Variants in CFAP126 observed in about 807,000 individuals in gnomAD.
CFAP126 encodes cilia and flagella associated protein 126, also known as protein Flattop.
Under a neutral mutation model 17.1 loss-of-function variants are expected in CFAP126, and 21 were observed. The ratio of observed to expected loss-of-function variants is 1.23; its 90% CI spans 0.87 to 1.77. The LOEUF (loss-of-function observed/expected upper bound fraction) is 1.77. Ranked by LOEUF, CFAP126 falls within the 40% of genes most tolerant of loss-of-function variation. The probability of loss-of-function intolerance (pLI) is 0.00; values close to 1 mark genes in which losing one functional copy is unlikely to be tolerated. For synonymous variants in CFAP126, 65 were observed against 73.5 expected, an observed-to-expected ratio of 0.88 and a Z score of 0.59; for missense variants, 174 against 215.4, an observed-to-expected ratio of 0.81 and a Z score of 1.20.
chr1:161,367,261 T>C (rs942322754), intron 1 of CFAP126: 1 of 152,346 alleles, frequency 6.6e-6, no homozygotes, highest in African/African-American at 2.4e-5. Flanking sequence ...GCACTCTTTT[T>C]GTTGGGCAGC....
chr1:161,365,592 T>C lies in CFAP126; in HGVS notation c.282A>G (p.Lys94=). The C allele has an allele frequency of 6.2e-7, 1 of 1,614,066 alleles. No homozygotes were observed. Among genetic ancestry groups the C allele is most frequent in the Non-Finnish European group, 8.5e-7 (1 of 1,179,986 alleles). The stretch of plus-strand genomic sequence containing the variant: ...GTAAATCAGGATTTTTCTGTATCCA[T>C]TTGGTGAGGGAGGCAGCACCAGCAG... ...RTTAGAASLT[K]WIQKNPDLLK... Residue 94 remains lysine (K), a synonymous_variant, in exon 4 of 5, where the codon AAA becomes AAG. Coordinates refer to ENST00000367974, the MANE Select transcript of CFAP126 (RefSeq NM_001013625.4).
At position 161,364,918 on chromosome 1, in the gene CFAP126, T is replaced by G. The variant is rs374621696; in HGVS notation, c.*47A>C. 1.3e-6 allele frequency: 2 copies of G among 1,563,044 alleles called. No individual in the cohort carries two copies. The highest frequency in any genetic ancestry group is 1.8e-6 in the Non-Finnish European group (2 of 1,137,518). ...TTGTATTTCTGGACCTCAGCTAGAT[T>G]AGGCCCTGCCCAGAGTTCTAGCATA... On this transcript the variant is annotated 3_prime_UTR_variant, in exon 5 of 5. Transcript: ENST00000367974.
intron 1 of CFAP126, 96 bp downstream of exon 1, chr1:161,367,746 C>G: frequency 8.6e-7 from 1 of 1,163,440 alleles, no homozygotes; most frequent in Non-Finnish European, 1.3e-6. Flanking sequence ...TCTCAGCTAT[C>G]TGTTCAAAGA....
intron 1 of CFAP126, chr1:161,366,769 T>C: frequency 2.1e-6 from 1 of 483,378 alleles, no homozygotes; most frequent in East Asian, 3.5e-5. Context: ...AATTTTTAAG[T>C]TTTTTTCTTT....
rs16832866 is a variant in CFAP126, at chr1:161,364,858, G to A, written c.*107C>T. On this transcript the variant is annotated 3_prime_UTR_variant, in exon 5 of 5. Transcript: ENST00000367974. Reference sequence around the variant, plus strand: ...ACTGAGTCGCTATACGGGTTTTTCAGTGTGTGGCCACTTGGTCCATATGAA... The same window carrying A: ...ACTGAGTCGCTATACGGGTTTTTCAATGTGTGGCCACTTGGTCCATATGAA... The A allele has an allele frequency of 0.04, 42,660 of 1,077,094 alleles. 2,073 individuals carry two copies. Among genetic ancestry groups the A allele is most frequent in the East Asian group, 0.22 (9,054 of 42,020 alleles). The allele number at this position is 1,077,094 out of a possible 1,614,324, so 66.7% of individuals were successfully genotyped here. A position where few individuals can be genotyped will look rare whatever the true frequency, so the allele number is the denominator to read the frequency against.
chr1:161,365,065 G>A lies in CFAP126; in HGVS notation c.434C>T (p.Pro145Leu), dbSNP rs1417799432. The change falls in exon 5 of 5, where the codon CCA (proline) becomes CTA (leucine). Residue 145 changes from proline to leucine, a missense_variant. Coordinates refer to ENST00000367974, the MANE Select transcript of CFAP126 (RefSeq NM_001013625.4). ...ATTGAGGTTGGCAGCTGGGGAGCTT[G>A]GAATTATGGTTGGACTTCGTGCTTG... ...VQQARSPTII[P>L]SSPAANLNSP... 4.3e-6 allele frequency: 7 copies of A among 1,614,004 alleles called. No individual in the cohort carries two copies. The South Asian group carries it at 7.7e-5, about 18-fold the overall frequency.
Position 161,366,194 on chromosome 1 carries a change from T to C in CFAP126, c.171+4A>G. Reference sequence around the variant, plus strand: ...TCTTGATAGGAGTGAAGATAGTATCTCACCTTGGAACGGGGCACAGAAGGC... The same window carrying C: ...TCTTGATAGGAGTGAAGATAGTATCCCACCTTGGAACGGGGCACAGAAGGC... On this transcript the variant is annotated splice_donor_region_variant and intron_variant, in intron 3 of 4. Coordinates refer to ENST00000367974, the MANE Select transcript of CFAP126 (RefSeq NM_001013625.4). 6.2e-7 allele frequency: 1 copy of C among 1,601,080 alleles called. No individual in the cohort carries two copies.
Position 161,365,297 on chromosome 1 carries a change from C to G in CFAP126, c.349-147G>C, listed in dbSNP as rs934334888. ...ATAAGAAAAGTTAAATTTGATTTCT[C>G]TAACCACCCTCCCCCACCTTGAGAT... On this transcript the variant is annotated intron_variant, in intron 4 of 4. Transcript: ENST00000367974. 7.3e-6 allele frequency: 7 copies of G among 956,088 alleles called. No individual in the cohort carries two copies. In the African/African-American group the frequency reaches 8.3e-5, roughly 11 times the overall value. 59.2% of individuals were successfully genotyped at this position (956,088 alleles called of 1,614,324 possible). A position where few individuals can be genotyped will look rare whatever the true frequency, so the allele number is the denominator to read the frequency against.
rs146363043 is a variant in CFAP126 at position 161,367,841 on chromosome 1, C to A, written c.27+1G>T. 2.8e-4 allele frequency: 454 copies of A among 1,613,860 alleles called. No individual in the cohort carries two copies. The highest frequency in any genetic ancestry group is 6.6e-4 in the Middle Eastern group (4 of 6,062). ...TAAAGAAATGGAGAATGGGAACTTACCTGGTTGGCACTGTAGTTAGTGGCC... is the reference window on the plus strand; with the variant it reads ...TAAAGAAATGGAGAATGGGAACTTAACTGGTTGGCACTGTAGTTAGTGGCC... On this transcript the variant is annotated splice_donor_variant, in intron 1 of 4. Coordinates refer to ENST00000367974, the MANE Select transcript of CFAP126 (RefSeq NM_001013625.4). LOFTEE classifies it high-confidence loss of function.
intron 2 of CFAP126, 75 bp from the exon 3 acceptor site, chr1:161,366,353 G>A (rs1259733819): frequency 6.4e-7 from 1 of 1,566,202 alleles, no homozygotes; most frequent in Non-Finnish European, 8.8e-7. Context: ...GTCAGAGAAG[G>A]ATATGGGAGT....
chr1:161,366,597 G>A, intron 1 of CFAP126, 96 bp from the exon 2 acceptor site: 1 of 1,121,718 alleles, frequency 8.9e-7, no homozygotes, highest in African/African-American at 1.5e-5. Context: ...AAGACCAAAG[G>A]CCTGACCAAC....
At position 161,365,717 on chromosome 1, in the gene CFAP126, G is replaced by T. The variant is rs1558188956; in HGVS notation, c.172-15C>A. ...CAAGGATTTGCCTAAAAATGAAAAGGGATTCCTCAGTAGGGCTTCTCACTC... is the reference window on the plus strand; with the variant it reads ...CAAGGATTTGCCTAAAAATGAAAAGTGATTCCTCAGTAGGGCTTCTCACTC... On this transcript the variant is annotated splice_polypyrimidine_tract_variant and intron_variant, in intron 3 of 4. Coordinates refer to ENST00000367974, the MANE Select transcript of CFAP126 (RefSeq NM_001013625.4). The T allele has an allele frequency of 6.4e-7, 1 of 1,563,744 alleles. No homozygotes were observed. The highest frequency in any genetic ancestry group is 2.2e-5 in the East Asian group (1 of 44,490).
At chr1:161,366,646 G>A in intron 1 of CFAP126, 145 bp from the exon 2 acceptor site, 1 of 756,746 alleles carries the variant, frequency 1.3e-6, no homozygotes, top group African/African-American at 1.7e-5. Flanking sequence ...GGTGTAATTT[G>A]TTTGGTCTAG....
chr1:161,367,050 C>T lies in CFAP126; in HGVS notation c.28-549G>A, dbSNP rs180802941. 656 of 153,504 alleles carry T rather than the reference C, an allele frequency of 4.3e-3. 4 individuals are homozygous for T. Among genetic ancestry groups the T allele is most frequent in the Non-Finnish European group, 5.5e-3 (378 of 68,886 alleles). The allele number at this position is 153,504 out of a possible 1,614,324, so 9.5% of individuals were successfully genotyped here. A position where few individuals can be genotyped will look rare whatever the true frequency, so the allele number is the denominator to read the frequency against. ...TCAGCCTCCCAAAGTGTTGGGATTA[C>T]AGACGTGAGCTACAACACCCAGCAG... On this transcript the variant is annotated intron_variant, in intron 1 of 4. Transcript: ENST00000367974.
intron 3 of CFAP126, 83 bp from the exon 4 acceptor site, chr1:161,365,785 C>T (rs1672709669): frequency 6.6e-6 from 8 of 1,214,986 alleles, no homozygotes; most frequent in African/African-American, 3.0e-5. Flanking sequence ...CTTTCTTTAC[C>T]TTTAGGAATG....
chr1:161,365,412 A>G (rs1672693575), intron 4 of CFAP126, 114 bp downstream of exon 4: 4 of 1,288,828 alleles, frequency 3.1e-6, no homozygotes, highest in Admixed American at 1.9e-5. Context: ...AGATAAGACA[A>G]ATTGGTTAGA....
In CFAP126 at chr1:161,364,883, A is replaced by G; in HGVS notation, c.*82T>C. The G allele has an allele frequency of 7.4e-7, 1 of 1,343,170 alleles. No homozygotes were observed. Among genetic ancestry groups the G allele is most frequent in the South Asian group, 1.3e-5 (1 of 78,294 alleles). The allele number at this position is 1,343,170 out of a possible 1,614,324, so 83.2% of individuals were successfully genotyped here. A position where few individuals can be genotyped will look rare whatever the true frequency, so the allele number is the denominator to read the frequency against. On this transcript the variant is annotated 3_prime_UTR_variant, in exon 5 of 5. Transcript: ENST00000367974. ...GTGTGTGGCCACTTGGTCCATATGA[A>G]GTTCCAGGTTTGTATTTCTGGACCT...
intron 2 of CFAP126, 60 bp from the exon 3 acceptor site, chr1:161,366,338 G>T: frequency 6.4e-7 from 1 of 1,570,502 alleles, no homozygotes; most frequent in Non-Finnish European, 8.8e-7. Context: ...TATTTGGGGA[G>T]CTTGGTCAGA....
chr1:161,365,073 G>A lies in CFAP126; in HGVS notation c.426C>T (p.Thr142=), dbSNP rs1410007910. ...TGGCAGCTGGGGAGCTTGGAATTAT[G>A]GTTGGACTTCGTGCTTGTTGTACAG... ...TKTVQQARSP[T]IIPSSPAANL... The change falls in exon 5 of 5, where the codon ACC becomes ACT. Residue 142 remains threonine (T), a synonymous_variant. Coordinates refer to ENST00000367974, the MANE Select transcript of CFAP126 (RefSeq NM_001013625.4). The A allele has an allele frequency of 6.2e-7, 1 of 1,614,110 alleles. No homozygotes were observed. Among genetic ancestry groups the A allele is most frequent in the East Asian group, 2.2e-5 (1 of 44,890 alleles).
Sources: gnomAD v4.1 joint callset for allele counts on GRCh38, gnomAD v4.1.1 for gene constraint, MANE v1.5 for transcripts, NCBI Gene and HGNC (gene_info 2026-07-23, HGNC 2026-07-21) for gene names.